The following EMID1 variants were observed in gnomAD, a reference collection of about 807,000 sequenced individuals.
The protein encoded by EMID1 is EMI domain-containing protein 1.
A neutral mutation model predicts 60.6 loss-of-function variants in EMID1; 40 were observed. That is an observed-to-expected ratio of 0.66 (90% CI 0.51 to 0.86). EMID1 has a LOEUF of 0.86. EMID1 is among the 40% of genes least tolerant of loss of function. The pLI is 0.00. For synonymous variants in EMID1, 242 were observed against 231.0 expected (o/e 1.05, Z -0.43); for missense variants, 585 against 597.1 (o/e 0.98, Z 0.21).
Position 29,259,175 on chromosome 22 carries a change from G to A in EMID1, c.*231G>A. 1 of 622,646 alleles carries A rather than the reference G, an allele frequency of 1.6e-6. No individual in the cohort carries two copies. The highest frequency in any genetic ancestry group is 2.6e-6 in the Non-Finnish European group (1 of 380,606). 38.6% of individuals were successfully genotyped at this position (622,646 alleles called of 1,614,324 possible). A position where few individuals can be genotyped will look rare whatever the true frequency, so the allele number is the denominator to read the frequency against. Reference sequence around the variant, plus strand: ...CTCAGTTTCCCTCTGTGAAGTGGGGGGAGGCAGGCCTTCAAGGAGGGATAG... The same window carrying A: ...CTCAGTTTCCCTCTGTGAAGTGGGGAGAGGCAGGCCTTCAAGGAGGGATAG... On this transcript the variant is annotated 3_prime_UTR_variant, in exon 15 of 15. Transcript: ENST00000334018.
At chr22:29,228,336 A>G (rs2040606983) in intron 5 of EMID1, among the ~76,000 whole-genome samples, 1 of 152,260 alleles carries the variant, frequency 6.6e-6, no homozygotes, top group East Asian at 1.9e-4. Flanking sequence ...AAGAAAAAAA[A>G]AAGTAATTAA....
At position 29,231,628 on chromosome 22, in the gene EMID1, G is replaced by A. The variant is rs766639012; in HGVS notation, c.622G>A (p.Gly208Ser). 36 of 1,502,212 alleles carry A rather than the reference G, an allele frequency of 2.4e-5. No individual in the cohort carries two copies. The highest frequency in any genetic ancestry group is 1.5e-4 in the East Asian group (6 of 40,174). The allele number at this position is 1,502,212 out of a possible 1,614,324, so 93.1% of individuals were successfully genotyped here. Residue 208 changes from glycine (G) to serine (S), a missense_variant, in exon 7 of 15, where the codon GGC (glycine) becomes AGC (serine). Transcript: ENST00000334018. ...VGAWGLPGPTGPKGDAGSRGP... is the reference protein window; with the variant it reads ...VGAWGLPGPTSPKGDAGSRGP... ...TGCTTGGGGGCTTCCCGGGCCCACC[G>A]GCCCCAAGGGAGATGCCGGCAGTCG...
chr22:29,206,183 C>T (rs979669600), intron 1 of EMID1, 44 bp downstream of exon 1: 41 of 1,205,896 alleles, frequency 3.4e-5, no homozygotes, highest in Non-Finnish European at 4.1e-5. Context: ...CCGAGGGTCC[C>T]GGCGCGCACA....
At chr22:29,208,077 C>G (rs1184916740) in intron 1 of EMID1, among the ~76,000 whole-genome samples, 1 of 152,192 alleles carries the variant, frequency 6.6e-6, no homozygotes, top group African/African-American at 2.4e-5. Flanking sequence ...TGCAGTGGTT[C>G]CTGCTATCAA....
intron 1 of EMID1, among the ~76,000 whole-genome samples, chr22:29,209,791 A>G (rs972723394): frequency 6.6e-6 from 1 of 152,108 alleles, no homozygotes; most frequent in Non-Finnish European, 1.5e-5. Flanking sequence ...TTCATATGCT[A>G]AGATCAGAGG....
At chr22:29,238,256 T>G (rs944154963) in intron 12 of EMID1, among the ~76,000 whole-genome samples, 3 of 23,866 alleles carry the variant, frequency 1.3e-4, no homozygotes, top group Non-Finnish European at 2.7e-4. Context: ...TTTCTAAAAA[T>G]TATTATTATT....
intron 13 of EMID1, among the ~76,000 whole-genome samples, chr22:29,251,664 A>T (rs2041532429): frequency 6.6e-6 from 1 of 150,824 alleles, no homozygotes; most frequent in Non-Finnish European, 1.5e-5. Flanking sequence ...CACCCAAATA[A>T]TTTTTTTTTC....
intron 13 of EMID1, among the ~76,000 whole-genome samples, chr22:29,245,492 C>G (rs1306760585): frequency 1.3e-5 from 2 of 152,190 alleles, no homozygotes; most frequent in Non-Finnish European, 2.9e-5. Flanking sequence ...CTTCCTGCCC[C>G]TCTTCTACCT....
In EMID1 at chr22:29,206,054, G is replaced by A. The variant is rs949159488; in HGVS notation, c.16G>A (p.Ala6Thr). The change falls in exon 1 of 15, where the codon GCT (alanine) becomes ACT (threonine). Residue 6 changes from alanine (A) to threonine (T), a missense_variant. By Grantham distance (58) the Ala-to-Thr change is moderately conservative. Coordinates refer to ENST00000334018, the MANE Select transcript of EMID1 (RefSeq NM_133455.4). MGGPRAWALLCLGLLL... is the reference protein window; with the variant it reads MGGPRTWALLCLGLLL... The stretch of plus-strand genomic sequence containing the variant: ...CTGGTGCAGCATGGGCGGCCCGCGG[G>A]CTTGGGCGCTGCTCTGCCTCGGGCT... 1 of 1,228,748 alleles carries A rather than the reference G, an allele frequency of 8.1e-7. No homozygotes were observed. The allele number at this position is 1,228,748 out of a possible 1,614,324, so 76.1% of individuals were successfully genotyped here. A position where few individuals can be genotyped will look rare whatever the true frequency, so the allele number is the denominator to read the frequency against.
chr22:29,249,831 T>A (rs1296649184), intron 13 of EMID1, among the ~76,000 whole-genome samples: 1 of 151,688 alleles, frequency 6.6e-6, no homozygotes, highest in African/African-American at 2.4e-5. Flanking sequence ...GCCAGGCTGA[T>A]CTCAAACTCC....
chr22:29,244,239 A>T (rs1471582305), intron 13 of EMID1, among the ~76,000 whole-genome samples: 1 of 152,126 alleles, frequency 6.6e-6, no homozygotes, highest in African/African-American at 2.4e-5. Flanking sequence ...GGGGACAAGA[A>T]GGGGGAACTA....
intron 13 of EMID1, among the ~76,000 whole-genome samples, chr22:29,249,583 C>CTTT: frequency 7.3e-6 from 1 of 137,904 alleles, no homozygotes; most frequent in East Asian, 2.0e-4. Context: ...CCCAAAATAC[C>CTTT]TTTATTATTT....
At chr22:29,248,259 CTTTTTTT>C (rs33924066) in intron 13 of EMID1, among the ~76,000 whole-genome samples, 1 of 116,070 alleles carries the variant, frequency 8.6e-6, no homozygotes, top group Non-Finnish European at 1.7e-5. Flanking sequence ...GTGCCTGGCC[CTTTTTTT>C]TTTTTTTTTT....
chr22:29,235,457 T>C (rs759586381), intron 12 of EMID1, among the ~76,000 whole-genome samples: 8 of 152,220 alleles, frequency 5.3e-5, no homozygotes, highest in Non-Finnish European at 8.8e-5. Flanking sequence ...TTGATTAATA[T>C]GGTTCTGTTT....
chr22:29,257,958 C>T (rs2146492594), intron 14 of EMID1, among the ~76,000 whole-genome samples: 1 of 152,296 alleles, frequency 6.6e-6, no homozygotes, highest in East Asian at 1.9e-4. Context: ...TCAACTCAGC[C>T]CAGAGGTGCA....
intron 5 of EMID1, among the ~76,000 whole-genome samples, 161 bp from the exon 6 acceptor site, chr22:29,230,859 G>A (rs1236868978): frequency 1.3e-5 from 2 of 152,192 alleles, no homozygotes; most frequent in African/African-American, 2.4e-5. Context: ...GGAAGGCTGA[G>A]GCAGAAGGAT....
intron 1 of EMID1, among the ~76,000 whole-genome samples, chr22:29,213,802 G>C (rs1010269179): frequency 1.3e-5 from 2 of 152,154 alleles, no homozygotes; most frequent in African/African-American, 4.8e-5. Flanking sequence ...CCCAGGCCGG[G>C]GCGTTTACAG....
Position 29,206,098 on chromosome 22 carries a change from C to A in EMID1, c.60C>A (p.Gly20=), listed in dbSNP as rs1228064942. 1.6e-6 allele frequency: 2 copies of A among 1,230,646 alleles called. No homozygotes were observed. Among genetic ancestry groups the A allele is most frequent in the South Asian group, 4.1e-5 (1 of 24,326 alleles). 76.2% of individuals were successfully genotyped at this position (1,230,646 alleles called of 1,614,324 possible). Residue 20 remains glycine, a synonymous_variant, in exon 1 of 15, where the codon GGC becomes GGA. Transcript: ENST00000334018. ...LCLGLLLPGG[G]AAWSIGAAPF... ...TCGGGCTCCTGCTCCCGGGAGGCGG[C>A]GCTGCGTGGAGCATCGGGGCAGCTC...
At chr22:29,223,866 C>T (rs1256316781) in intron 3 of EMID1, among the ~76,000 whole-genome samples, 1 of 152,230 alleles carries the variant, frequency 6.6e-6, no homozygotes, top group African/African-American at 2.4e-5. Context: ...GTGCCAGGGC[C>T]AGGGTAAATG....
Sources: allele counts gnomAD v4.1 joint callset (sites outside exome capture counted in the v4.1 genomes callset), GRCh38; gene constraint gnomAD v4.1.1; transcripts MANE v1.5; gene names NCBI Gene and HGNC (gene_info 2026-07-23, HGNC 2026-07-21).